The following ANKRD36B variants were observed in gnomAD, a reference collection of about 807,000 sequenced individuals.
ANKRD36B encodes ankyrin repeat domain-containing protein 36B.
In ANKRD36B, 37 loss-of-function variants were observed where a neutral mutation model predicts 135.7. That is an observed-to-expected ratio of 0.27 (90% CI 0.21 to 0.36). The LOEUF (loss-of-function observed/expected upper bound fraction) is 0.36, where lower values mean the gene tolerates loss of function less well. Ranked by LOEUF, ANKRD36B falls within the 10% of genes least tolerant of loss-of-function variation. The probability of loss-of-function intolerance (pLI) is 1.00; values close to 1 mark genes in which losing one functional copy is unlikely to be tolerated. For missense variants in ANKRD36B, 549 were observed against 1,037.1 expected, an observed-to-expected ratio of 0.53 and a Z score of 6.46; for synonymous variants, 179 against 348.1, an observed-to-expected ratio of 0.51 and a Z score of 5.41.
At chr2:97,509,059 A>G (rs1256677339) in intron 40 of ANKRD36B, among the ~76,000 whole-genome samples, 20 of 79,702 alleles carry the variant, frequency 2.5e-4, no homozygotes, top group African/African-American at 7.6e-4. Context: ...AAATTTATTC[A>G]GTAAAATGGC....
intron 34 of ANKRD36B, among the ~76,000 whole-genome samples, chr2:97,535,750 A>T (rs2078854004): frequency 1.0e-5 from 1 of 98,144 alleles, no homozygotes; most frequent in African/African-American, 3.0e-5. Flanking sequence ...AAAATGTAAA[A>T]GTAGAAACAT....
rs1345332914 is a variant in ANKRD36B, at chr2:97,506,457, T to C, written c.*6+579A>G. 15 of 40,658 alleles carry C rather than the reference T, an allele frequency of 3.7e-4. No individual in the cohort carries two copies. In the South Asian group the frequency reaches 6.8e-3, roughly 19 times the overall value. 2.5% of individuals were successfully genotyped at this position (40,658 alleles called of 1,614,324 possible). ...GATGCTAGAACAAAGGTGTAGAGTA[T>C]GGTAAGTGGCGAAAGATAAGGCTGA... On this transcript the variant is annotated intron_variant, in intron 43 of 43. Coordinates refer to ENST00000359901, the MANE Select transcript of ANKRD36B (RefSeq NM_001393939.1).
intron 6 of ANKRD36B, among the ~76,000 whole-genome samples, chr2:97,572,114 A>C (rs1404570140): frequency 6.6e-6 from 1 of 152,132 alleles, no homozygotes; most frequent in Non-Finnish European, 1.5e-5. Context: ...TCTTTAAAAA[A>C]TAAAAAATAA....
chr2:97,556,035 T>C (rs761965201), intron 12 of ANKRD36B, among the ~76,000 whole-genome samples: 6 of 152,052 alleles, frequency 3.9e-5, no homozygotes, highest in African/African-American at 7.2e-5. Context: ...CAATATTCAT[T>C]GAAAATAACC....
chr2:97,532,022 A>G (rs2078628214), intron 35 of ANKRD36B, among the ~76,000 whole-genome samples: 1 of 95,778 alleles, frequency 1.0e-5, no homozygotes, highest in Admixed American at 9.3e-5. Flanking sequence ...TTGTAATTCA[A>G]TATTTGATGT....
rs2079089974 is a variant in ANKRD36B at position 97,540,305 on chromosome 2, C to T, written c.1886-76G>A. On this transcript the variant is annotated intron_variant, in intron 28 of 43. Coordinates refer to ENST00000359901, the MANE Select transcript of ANKRD36B (RefSeq NM_001393939.1). ...TATTCATACATTCATGCAGTGTTAG[C>T]ATCAAGCTGTATCCTTCTGCCTGTA... 2.4e-5 allele frequency: 21 copies of T among 862,574 alleles called. 1 individual carries two copies. The highest frequency in any genetic ancestry group is 2.2e-4 in the South Asian group (18 of 82,028). The allele number at this position is 862,574 out of a possible 1,614,324, so 53.4% of individuals were successfully genotyped here.
rs567541262 is a variant in ANKRD36B at position 97,575,681 on chromosome 2, TA to T, written c.763+697del. Among the ~76,000 whole-genome samples, 13 of 150,148 alleles carry T rather than the reference TA, an allele frequency of 8.7e-5. No homozygotes were observed. In the Admixed American group the frequency reaches 8.7e-4, roughly 10 times the overall value. On this transcript the variant is annotated intron_variant, in intron 6 of 43. Coordinates refer to ENST00000359901, the MANE Select transcript of ANKRD36B (RefSeq NM_001393939.1). ...TCAACTATTATTGTTTTTTTATAAATAAAAAATTAAGTAAAACAAATAAAGA... is the reference window on the plus strand; with the variant it reads ...TCAACTATTATTGTTTTTTTATAAATAAAAATTAAGTAAAACAAATAAAGA...
At position 97,550,334 on chromosome 2, in the gene ANKRD36B, T is replaced by C. The variant is rs186052643; in HGVS notation, c.1376-720A>G. Among the ~76,000 whole-genome samples, 1,123 of 148,314 alleles carry C rather than the reference T, an allele frequency of 7.6e-3. 53 individuals carry two copies. In the East Asian group the frequency reaches 0.11, roughly 14 times the overall value. ...ATCATCAATTATCAATTTTGACATA[T>C]TTCTACAAAGTAAAACTGCTACAAG... On this transcript the variant is annotated intron_variant, in intron 18 of 43. Coordinates refer to ENST00000359901, the MANE Select transcript of ANKRD36B (RefSeq NM_001393939.1).
intron 6 of ANKRD36B, among the ~76,000 whole-genome samples, chr2:97,569,712 T>C (rs1315350511): frequency 1.3e-5 from 2 of 152,188 alleles, no homozygotes; most frequent in Non-Finnish European, 2.9e-5. Flanking sequence ...AATATTAAAC[T>C]GCTCTTAAAA....
chr2:97,556,677 T>G (rs536670601), intron 12 of ANKRD36B, among the ~76,000 whole-genome samples: 8 of 152,044 alleles, frequency 5.3e-5, no homozygotes, highest in African/African-American at 1.7e-4. Context: ...TGCTGTCCCC[T>G]GATCCTCTTA....
In ANKRD36B at chr2:97,555,391, G is replaced by A. The variant is rs2080424988; in HGVS notation, c.1070-137C>T. 6 of 1,303,782 alleles carry A rather than the reference G, an allele frequency of 4.6e-6. No individual in the cohort carries two copies. In the East Asian group the frequency reaches 1.5e-4, roughly 33 times the overall value. The allele number at this position is 1,303,782 out of a possible 1,614,324, so 80.8% of individuals were successfully genotyped here. Reference sequence around the variant, plus strand: ...CTTTGATTTTTGTGTCTGGGGACTGGAACATGACAGAAATACACTGAAAAA... The same window carrying A: ...CTTTGATTTTTGTGTCTGGGGACTGAAACATGACAGAAATACACTGAAAAA... On this transcript the variant is annotated intron_variant, in intron 12 of 43. Coordinates refer to ENST00000359901, the MANE Select transcript of ANKRD36B (RefSeq NM_001393939.1).
At chr2:97,496,831 GTGTATA>G (rs1266087498) in intron 43 of ANKRD36B, among the ~76,000 whole-genome samples, 2 of 67,004 alleles carry the variant, frequency 3.0e-5, no homozygotes, top group African/African-American at 1.6e-4. Context: ...ATATATGTGT[GTGTATA>G]TATATATATA....
Position 97,513,343 on chromosome 2 carries a change from T to C in ANKRD36B, c.2642A>G (p.Lys881Arg). 3 of 1,554,964 alleles carry C rather than the reference T, an allele frequency of 1.9e-6. No individual in the cohort carries two copies. The highest frequency in any genetic ancestry group is 2.6e-6 in the Non-Finnish European group (3 of 1,160,978). The change falls in exon 38 of 44, where the codon AAA becomes AGA. Residue 881 changes from lysine to arginine, a missense_variant. Lys to Arg is a conservative substitution (Grantham distance 26). Coordinates refer to ENST00000359901, the MANE Select transcript of ANKRD36B (RefSeq NM_001393939.1). ...CTCTTCAACATTTCTTCTTTTCTTT[T>C]TTTCTTGCTGTATGGCAAATCTGTA... ...CSLRFAIQQEKKKRRNVEELH... is the reference protein window; with the variant it reads ...CSLRFAIQQERKKRRNVEELH...
intron 35 of ANKRD36B, chr2:97,524,683 C>G (rs1208382728): frequency 1.0e-5 from 1 of 96,790 alleles, no homozygotes; most frequent in African/African-American, 3.1e-5. Context: ...GTTTGTTCTT[C>G]CTGTAGAGTT....
chr2:97,546,583 C>T (rs1288216425), intron 22 of ANKRD36B, among the ~76,000 whole-genome samples: 1 of 151,702 alleles, frequency 6.6e-6, no homozygotes, highest in Non-Finnish European at 1.5e-5. Flanking sequence ...TGACATATTT[C>T]TTCAAAGTAA....
intron 28 of ANKRD36B, among the ~76,000 whole-genome samples, chr2:97,540,758 C>T (rs1438801864): frequency 1.0e-5 from 1 of 96,438 alleles, no homozygotes; most frequent in Admixed American, 9.3e-5. Context: ...AAATTGATCA[C>T]CTTGGATATC....
intron 18 of ANKRD36B, among the ~76,000 whole-genome samples, chr2:97,550,897 A>C (rs564523885): frequency 6.6e-6 from 1 of 151,830 alleles, no homozygotes; most frequent in South Asian, 2.1e-4. Context: ...TACAGTGTCT[A>C]TGGGTTATTA....
At chr2:97,578,633 A>T (rs1368171568) in intron 5 of ANKRD36B, among the ~76,000 whole-genome samples, 1 of 152,074 alleles carries the variant, frequency 6.6e-6, no homozygotes, top group Admixed American at 6.6e-5. Context: ...GTTATACTGG[A>T]AATAAAATGG....
intron 20 of ANKRD36B, 102 bp from the exon 21 acceptor site, chr2:97,547,833 T>A: frequency 6.8e-7 from 1 of 1,475,090 alleles, no homozygotes. Context: ...CCTGCCTGTA[T>A]TAGCATAGGC....
Sources: gnomAD v4.1 joint callset for allele counts (sites outside exome capture counted in the v4.1 genomes callset) on GRCh38, gnomAD v4.1.1 for gene constraint, MANE v1.5 for transcripts, NCBI Gene and HGNC (gene_info 2026-07-23, HGNC 2026-07-21) for gene names.